Variants in FARP1 observed in about 807,000 individuals in gnomAD.
The protein encoded by FARP1 is FERM, ARHGEF and pleckstrin domain-containing protein 1.
FARP1 carries 52 observed loss-of-function variants against 128.8 expected under a neutral mutation model. That is an observed-to-expected ratio of 0.40 (90% confidence interval 0.32 to 0.51). FARP1 has a LOEUF of 0.51. FARP1 is among the 20% of genes least tolerant of loss of function. The probability of loss-of-function intolerance (pLI) is 0.45; values close to 1 mark genes in which losing one functional copy is unlikely to be tolerated. For missense variants in FARP1, 1,333 were observed against 1,367.9 expected (o/e 0.97, Z 0.40); for synonymous variants, 580 against 551.8 (o/e 1.05, Z -0.72).
intron 24 of FARP1, among the ~76,000 whole-genome samples, chr13:98,444,894 C>G (rs891060022): frequency 3.9e-5 from 6 of 152,228 alleles, no homozygotes; most frequent in Non-Finnish European, 8.8e-5. Flanking sequence ...CAGCCCTGGC[C>G]ACCACCAGGA....
intron 1 of FARP1, among the ~76,000 whole-genome samples, chr13:98,156,096 A>G (rs1594208547): frequency 6.6e-6 from 1 of 152,368 alleles, no homozygotes; most frequent in African/African-American, 2.4e-5. Flanking sequence ...TAAAAATAAT[A>G]CCTTTTGAAT....
At chr13:98,385,250 T>A (rs1257474536) in intron 7 of FARP1, among the ~76,000 whole-genome samples, 1 of 152,224 alleles carries the variant, frequency 6.6e-6, no homozygotes, top group Non-Finnish European at 1.5e-5. Context: ...GTACTTTTGG[T>A]TGTTGTTTTA....
At chr13:98,315,388 A>G (rs1886676494) in intron 2 of FARP1, among the ~76,000 whole-genome samples, 1 of 152,180 alleles carries the variant, frequency 6.6e-6, no homozygotes, top group African/African-American at 2.4e-5. Flanking sequence ...TACAGGTATG[A>G]GCACCCCTCC....
At chr13:98,444,503 G>A (rs796390066) in intron 24 of FARP1, among the ~76,000 whole-genome samples, 11 of 152,326 alleles carry the variant, frequency 7.2e-5, no homozygotes, top group African/African-American at 2.6e-4. Flanking sequence ...CCACCAGCAT[G>A]GCCTCGGCCT....
intron 2 of FARP1, among the ~76,000 whole-genome samples, chr13:98,251,510 C>T (rs1281618801): frequency 6.6e-6 from 1 of 151,962 alleles, no homozygotes; most frequent in Non-Finnish European, 1.5e-5. Flanking sequence ...TGGTGAAACC[C>T]CACCTCTACT....
intron 19 of FARP1, 68 bp downstream of exon 19, chr13:98,435,774 T>G (rs753745157): frequency 6.5e-7 from 1 of 1,533,428 alleles, no homozygotes; most frequent in Non-Finnish European, 9.0e-7. Context: ...GGACTTACAT[T>G]TGAACCTTTT....
intron 4 of FARP1, among the ~76,000 whole-genome samples, chr13:98,366,975 C>T (rs955833088): frequency 2.6e-5 from 4 of 152,082 alleles, no homozygotes; most frequent in African/African-American, 9.7e-5. Flanking sequence ...AGACATTTTT[C>T]TGCTTTTGTA....
intron 1 of FARP1, among the ~76,000 whole-genome samples, chr13:98,144,602 A>C (rs566231361): frequency 6.6e-5 from 10 of 152,214 alleles, no homozygotes; most frequent in Non-Finnish European, 1.3e-4. Context: ...CAACATCTTC[A>C]GAGCCAAACC....
Position 98,176,492 on chromosome 13 carries a change from C to T in FARP1, c.-24+33000C>T. On this transcript the variant is annotated intron_variant, in intron 1 of 26. Transcript: ENST00000319562. This position sits in a 1 kb window ranked among gnomAD's most constrained non-coding sequence, Gnocchi z 6.2. Reference sequence around the variant, plus strand: ...AAACACCTGAATGGTATTTCCTCTTCCTCGCTTCCCACTTCATGGTTTTCG... The same window carrying T: ...AAACACCTGAATGGTATTTCCTCTTTCTCGCTTCCCACTTCATGGTTTTCG... 1 of 1,614,200 alleles carries T rather than the reference C, an allele frequency of 6.2e-7. No individual in the cohort carries two copies. The highest frequency in any genetic ancestry group is 8.5e-7 in the Non-Finnish European group (1 of 1,180,028).
At chr13:98,433,442 A>G (rs1280111862) in intron 18 of FARP1, 1 of 152,214 alleles carries the variant, frequency 6.6e-6, no homozygotes, top group Non-Finnish European at 1.5e-5. Context: ...AAAACAAACC[A>G]TGCTGGCCAG....
At chr13:98,197,939 G>C (rs3864986) in intron 1 of FARP1, among the ~76,000 whole-genome samples, 102,908 of 152,002 alleles carry the variant, frequency 0.68, 36,017 homozygotes, top group Non-Finnish European at 0.76. Flanking sequence ...CCGGCCAAAA[G>C]TTACTTATTA....
Position 98,342,586 on chromosome 13 carries a change from G to A in FARP1, c.172-1176G>A, listed in dbSNP as rs188540211. 5.9e-5 allele frequency among the ~76,000 whole-genome samples: 9 copies of A among 152,172 alleles called. 1 individual carries two copies. Among genetic ancestry groups the A allele is most frequent in the Admixed American group, 5.9e-4 (9 of 15,294 alleles). The stretch of plus-strand genomic sequence containing the variant: ...ATGGTGGCAGGTGCCTGTAATCCCA[G>A]CTACTCGGGAGGCCGAGGTAGGAGA... On this transcript the variant is annotated intron_variant, in intron 2 of 26. Transcript: ENST00000319562.
chr13:98,442,710 G>A (rs754460249), intron 24 of FARP1, among the ~76,000 whole-genome samples: 11 of 152,242 alleles, frequency 7.2e-5, no homozygotes, highest in Admixed American at 1.3e-4. Flanking sequence ...CCCCCGAAGC[G>A]GAGGAGCAGG....
intron 13 of FARP1, chr13:98,397,900 G>GAA (rs3841606): frequency 8.3e-5 from 7 of 84,578 alleles, no homozygotes; most frequent in African/African-American, 1.7e-4. Context: ...TTTTTTTTTT[G>GAA]AAAAAAAAAA....
At chr13:98,357,093 G>A (rs374761677) in intron 3 of FARP1, among the ~76,000 whole-genome samples, 3 of 152,066 alleles carry the variant, frequency 2.0e-5, no homozygotes, top group East Asian at 3.8e-4. Flanking sequence ...CATTAGCAGT[G>A]TATTTTTGTA....
chr13:98,248,784 G>A (rs1460120042), intron 2 of FARP1, among the ~76,000 whole-genome samples: 3 of 151,932 alleles, frequency 2.0e-5, no homozygotes, highest in African/African-American at 4.8e-5. Flanking sequence ...TGATGATCTA[G>A]TTAGTGCCGT....
rs780893984 is a variant in FARP1 at position 98,431,090 on chromosome 13, G to T, written c.1953G>T (p.Leu651=). 1 of 1,614,164 alleles carries T rather than the reference G, an allele frequency of 6.2e-7. No homozygotes were observed. The highest frequency in any genetic ancestry group is 8.5e-7 in the Non-Finnish European group (1 of 1,180,034). Residue 651 remains leucine, a synonymous_variant, in exon 18 of 27, where the codon CTG becomes CTT. Transcript: ENST00000319562. ...LWKHSEALEA[L]ENGIKSSRRL... ...AGCACAGCGAGGCCTTGGAGGCCCTGGAGAATGGAATCAAGAGCTCCCGGC... is the reference window on the plus strand; with the variant it reads ...AGCACAGCGAGGCCTTGGAGGCCCTTGAGAATGGAATCAAGAGCTCCCGGC...
At chr13:98,201,450 A>G (rs542211762) in intron 1 of FARP1, among the ~76,000 whole-genome samples, 16 of 152,346 alleles carry the variant, frequency 1.1e-4, no homozygotes, top group East Asian at 3.9e-4. Context: ...CCCTGCCTCA[A>G]AGAAACAGAA....
intron 2 of FARP1, chr13:98,330,051 G>C (rs1214759627): frequency 6.6e-6 from 1 of 152,376 alleles, no homozygotes; most frequent in African/African-American, 2.4e-5. Context: ...AAAGCCTGAC[G>C]TGAGCAAAGC....
Sources: gnomAD v4.1 joint callset for allele counts (sites outside exome capture counted in the v4.1 genomes callset) on GRCh38, gnomAD v4.1.1 for gene constraint, Gnocchi (gnomAD v3.1) non-coding constraint, MANE v1.5 for transcripts, NCBI Gene and HGNC (gene_info 2026-07-23, HGNC 2026-07-21) for gene names.